NRXN3: variants seen among roughly 807,000 people sequenced by gnomAD.
NRXN3 encodes neurexin 3.
NRXN3 carries 32 observed loss-of-function variants against 137.6 expected under a neutral mutation model. The observed-to-expected ratio is 0.23, with a 90% CI of 0.18 to 0.31. The LOEUF (loss-of-function observed/expected upper bound fraction) is 0.31. NRXN3 is among the 10% of genes least tolerant of loss of function. The pLI is 1.00. For synonymous variants in NRXN3, 798 were observed against 784.5 expected (o/e 1.02, Z -0.29); for missense variants, 1,574 against 2,062.5 (o/e 0.76, Z 4.59).
intron 4 of NRXN3, among the ~76,000 whole-genome samples, chr14:78,320,985 G>A (rs977162044): frequency 1.3e-5 from 2 of 150,544 alleles, no homozygotes; most frequent in African/African-American, 5.0e-5. Flanking sequence ...GTGAGGTGGC[G>A]CATGCCTGTA....
chr14:79,760,597 G>T (rs2099035186), intron 19 of NRXN3: 1 of 151,336 alleles, frequency 6.6e-6, no homozygotes, highest in Admixed American at 6.6e-5. Context: ...ACAGCAAGGG[G>T]AATCTTGAAA....
intron 15 of NRXN3, among the ~76,000 whole-genome samples, chr14:79,375,235 GTT>G (rs35994648): frequency 3.8e-5 from 5 of 129,968 alleles, no homozygotes; most frequent in East Asian, 2.2e-4. Flanking sequence ...GAGTTTTTGT[GTT>G]TTTTTTTTTT....
chr14:78,488,600 G>T (rs1011651003), intron 4 of NRXN3, among the ~76,000 whole-genome samples: 3 of 152,028 alleles, frequency 2.0e-5, no homozygotes, highest in African/African-American at 7.2e-5. Context: ...TGGGTGGGGG[G>T]AAGGAAAGTT....
chr14:79,427,913 A>T (rs1057221602), intron 15 of NRXN3, among the ~76,000 whole-genome samples: 3 of 152,144 alleles, frequency 2.0e-5, no homozygotes, highest in African/African-American at 7.2e-5. Context: ...TTTCTAAGGG[A>T]CCAGGCACTG....
intron 15 of NRXN3, among the ~76,000 whole-genome samples, chr14:79,012,228 G>A (rs1407338562): frequency 6.6e-6 from 1 of 152,150 alleles, no homozygotes; most frequent in African/African-American, 2.4e-5. Context: ...TTAAGAGATG[G>A]CTGAAAGATA....
intron 15 of NRXN3, among the ~76,000 whole-genome samples, chr14:79,466,593 GA>G (rs199710551): frequency 4.0e-5 from 6 of 149,634 alleles, no homozygotes; most frequent in Non-Finnish European, 3.0e-5. Context: ...ATCTCAGAAA[GA>G]AAAAAAAACT....
At chr14:79,235,444 G>T (rs1443174933) in intron 15 of NRXN3, among the ~76,000 whole-genome samples, 1 of 152,088 alleles carries the variant, frequency 6.6e-6, no homozygotes, top group Non-Finnish European at 1.5e-5. Flanking sequence ...TGACCTTTGG[G>T]CAAATGCCTC....
At chr14:78,766,919 A>G (rs1235913382) in intron 8 of NRXN3, among the ~76,000 whole-genome samples, 1 of 152,216 alleles carries the variant, frequency 6.6e-6, no homozygotes, top group African/African-American at 2.4e-5. Context: ...TTCTCTGGGT[A>G]TCAAGGTCCT....
chr14:79,525,225 G>T (rs952006461), intron 16 of NRXN3, among the ~76,000 whole-genome samples: 3 of 152,136 alleles, frequency 2.0e-5, no homozygotes, highest in South Asian at 4.1e-4. Context: ...TCATTTTGGG[G>T]TATTGTTTAC....
intron 20 of NRXN3, among the ~76,000 whole-genome samples, chr14:79,851,676 C>A (rs2099391744): frequency 6.6e-6 from 1 of 152,048 alleles, no homozygotes; most frequent in Non-Finnish European, 1.5e-5. Context: ...TTTCCCAGTC[C>A]TTGGTTGAAC....
chr14:79,341,881 C>T (rs192774044), intron 15 of NRXN3, among the ~76,000 whole-genome samples: 6 of 152,036 alleles, frequency 3.9e-5, no homozygotes, highest in Admixed American at 2.0e-4. Context: ...AGGGCAATGC[C>T]GTGATCAATT....
chr14:79,546,296 A>G lies in NRXN3; in HGVS notation c.3444+78894A>G, dbSNP rs1214540368. Among the ~76,000 whole-genome samples the G allele has an allele frequency of 5.3e-5, 8 of 152,206 alleles. No individual in the cohort carries two copies. In the East Asian group the frequency reaches 1.2e-3, roughly 22 times the overall value. ...CTGAAGTGGAGAAAATACTTTCCTTATACAATTGTTATGTTTACATAAAAT... is the reference window on the plus strand; with the variant it reads ...CTGAAGTGGAGAAAATACTTTCCTTGTACAATTGTTATGTTTACATAAAAT... On this transcript the variant is annotated intron_variant, in intron 16 of 20. Transcript: ENST00000335750.
chr14:79,439,549 T>C (rs1465952252), intron 15 of NRXN3, among the ~76,000 whole-genome samples: 1 of 152,142 alleles, frequency 6.6e-6, no homozygotes, highest in Non-Finnish European at 1.5e-5. Flanking sequence ...CCAAAAGGTA[T>C]GTTTTGCTTC....
chr14:79,263,383 C>G (rs1172549672), intron 15 of NRXN3, among the ~76,000 whole-genome samples: 1 of 151,278 alleles, frequency 6.6e-6, no homozygotes, highest in East Asian at 1.9e-4. Context: ...TCTGCCCTAG[C>G]TCAGGAGCTC....
intron 4 of NRXN3, among the ~76,000 whole-genome samples, chr14:78,416,024 G>C (rs1173026248): frequency 1.5e-4 from 23 of 152,104 alleles, no homozygotes; most frequent in Admixed American, 1.5e-3. Context: ...GCCTGGAATT[G>C]GTGCACCGTC....
intron 1 of NRXN3, among the ~76,000 whole-genome samples, chr14:78,205,640 G>A (rs920389441): frequency 2.6e-5 from 4 of 152,166 alleles, no homozygotes; most frequent in Admixed American, 2.6e-4. Context: ...ACAGCAGGGT[G>A]CATTAGAGAC....
At chr14:79,031,441 A>G (rs1032515010) in intron 15 of NRXN3, among the ~76,000 whole-genome samples, 1 of 152,270 alleles carries the variant, frequency 6.6e-6, no homozygotes, top group Admixed American at 6.5e-5. Context: ...TGTTTTAGGT[A>G]ATGTTTGGGA....
At chr14:78,638,783 AG>A (rs201321409) in intron 4 of NRXN3, among the ~76,000 whole-genome samples, 1,592 of 152,320 alleles carry the variant, frequency 0.01, 32 homozygotes, top group African/African-American at 0.037. Flanking sequence ...TTCTTTTGCC[AG>A]CAAAATACTC....
intron 2 of NRXN3, among the ~76,000 whole-genome samples, chr14:78,271,941 C>T (rs941830756): frequency 1.3e-5 from 2 of 152,208 alleles, no homozygotes; most frequent in Admixed American, 6.5e-5. Flanking sequence ...AAGGAAACAA[C>T]CTCCTCACTG....
Sources: gnomAD v4.1 joint callset for allele counts (sites outside exome capture counted in the v4.1 genomes callset) on GRCh38, gnomAD v4.1.1 for gene constraint, MANE v1.5 for transcripts, NCBI Gene and HGNC (gene_info 2026-07-23, HGNC 2026-07-21) for gene names.